TBC1D23: variants seen among roughly 807,000 people sequenced by gnomAD.
TBC1D23 encodes HCV non-structural protein 4A-transactivated protein 1.
A neutral mutation model predicts 91.4 loss-of-function variants in TBC1D23; 55 were observed. The observed-to-expected ratio is 0.60, with a 90% CI of 0.48 to 0.75. The LOEUF is 0.75. Ranked by LOEUF, TBC1D23 falls within the 30% of genes least tolerant of loss-of-function variation. TBC1D23 has a pLI of 0.00. For synonymous variants in TBC1D23, 289 were observed against 281.0 expected (o/e 1.03, Z -0.28); for missense variants, 725 against 836.1 (o/e 0.87, Z 1.64).
Position 100,283,761 on chromosome 3 carries a change from C to G in TBC1D23, c.426C>G (p.Arg142=), listed in dbSNP as rs145106865. Residue 142 remains arginine, a synonymous_variant, in exon 4 of 19, where the codon CGC becomes CGG. Transcript: ENST00000394144. ...CATTGGTGCATCTTCAACTGCCACG[C>G]AGCGATTTATACAACTGCTTTTATG... ...LKPLVHLQLP[R]SDLYNCFYAI... 914 of 1,613,318 alleles carry G rather than the reference C, an allele frequency of 5.7e-4. 1 individual carries two copies. The African/African-American group carries it at 9.8e-3, about 17-fold the overall frequency.
chr3:100,307,691 G>T (rs1705537791), intron 13 of TBC1D23, among the ~76,000 whole-genome samples: 1 of 152,128 alleles, frequency 6.6e-6, no homozygotes, highest in Non-Finnish European at 1.5e-5. Flanking sequence ...TGATGCCATT[G>T]TGTGAAATCA....
intron 4 of TBC1D23, among the ~76,000 whole-genome samples, chr3:100,289,254 A>G (rs915188127): frequency 1.3e-5 from 2 of 152,102 alleles, no homozygotes; most frequent in Non-Finnish European, 2.9e-5. Flanking sequence ...ACATGTAATT[A>G]TCTCCCTATA....
chr3:100,293,649 C>A (rs575953741), intron 5 of TBC1D23, among the ~76,000 whole-genome samples: 1 of 152,200 alleles, frequency 6.6e-6, no homozygotes, highest in Admixed American at 6.5e-5. Flanking sequence ...TTTAAAGCAA[C>A]CACAAAAAAC....
At chr3:100,287,975 T>G (rs2067758931) in intron 4 of TBC1D23, among the ~76,000 whole-genome samples, 1 of 151,976 alleles carries the variant, frequency 6.6e-6, no homozygotes, top group Non-Finnish European at 1.5e-5. Context: ...GTGCAGTGAC[T>G]CACACCTGTA....
Position 100,316,162 on chromosome 3 carries a change from TG to T in TBC1D23, c.1666del (p.Asp556MetfsTer24). The T allele has an allele frequency of 6.2e-7, 1 of 1,613,900 alleles. No individual in the cohort carries two copies. Among genetic ancestry groups the T allele is most frequent in the Non-Finnish European group, 8.5e-7 (1 of 1,179,820 alleles). On this transcript the variant is annotated frameshift_variant, in exon 16 of 19. Transcript: ENST00000394144. LOFTEE classifies it high-confidence loss of function. ...YRGVKPVFSI[G>X]DEEEYDTDEI... ...GTGGCGTAAAGCCTGTTTTCAGCAT[TG>T]GGGATGAAGAAGAATACGACACAGG...
At chr3:100,302,984 A>C (rs1317497555) in intron 11 of TBC1D23, among the ~76,000 whole-genome samples, 2 of 152,244 alleles carry the variant, frequency 1.3e-5, no homozygotes, top group Non-Finnish European at 2.9e-5. Context: ...AACTGAATAA[A>C]TACATATGCA....
At position 100,284,118 on chromosome 3, in the gene TBC1D23, T is replaced by A. The variant is rs528867285; in HGVS notation, c.476+307T>A. The A allele has an allele frequency of 3.5e-5, 9 of 255,754 alleles. No homozygotes were observed. In the East Asian group the frequency reaches 6.1e-4, roughly 17 times the overall value. The allele number at this position is 255,754 out of a possible 1,614,324, so 15.8% of individuals were successfully genotyped here. ...GTGATGAACAAGTCGAAAGACCTAA[T>A]ATGCAATGTGGGGACTCTAGTTAAT... On this transcript the variant is annotated intron_variant, in intron 4 of 18. Coordinates refer to ENST00000394144, the MANE Select transcript of TBC1D23 (RefSeq NM_001199198.3).
At chr3:100,279,883 T>G (rs1280148801) in intron 2 of TBC1D23, 123 bp downstream of exon 2, 2 of 572,712 alleles carry the variant, frequency 3.5e-6, no homozygotes, top group African/African-American at 3.8e-5. Flanking sequence ...GCATCTAGAT[T>G]TATCAAACAG....
chr3:100,306,616 C>A (rs374954803), intron 13 of TBC1D23, 73 bp downstream of exon 13: 1 of 814,864 alleles, frequency 1.2e-6, no homozygotes. Flanking sequence ...ACTAAACCCC[C>A]ACCATAACAG....
At chr3:100,310,296 T>C in intron 13 of TBC1D23, 107 bp from the exon 14 acceptor site, 1 of 986,290 alleles carries the variant, frequency 1.0e-6, no homozygotes, top group Non-Finnish European at 1.5e-6. Context: ...CTTCAACATA[T>C]GATTTTGGTG....
At chr3:100,261,929 G>C (rs2067514517) in intron 1 of TBC1D23, among the ~76,000 whole-genome samples, 1 of 152,200 alleles carries the variant, frequency 6.6e-6, no homozygotes, top group Non-Finnish European at 1.5e-5. Context: ...TTGACCACAT[G>C]TATTAGTTTT....
chr3:100,273,435 T>C (rs924321626), intron 1 of TBC1D23, among the ~76,000 whole-genome samples: 1 of 149,042 alleles, frequency 6.7e-6, no homozygotes, highest in African/African-American at 2.5e-5. Context: ...TCTCTCTTTC[T>C]TTTCCCCACA....
At chr3:100,291,404 G>A (rs1179864124) in intron 5 of TBC1D23, among the ~76,000 whole-genome samples, 13 of 152,064 alleles carry the variant, frequency 8.5e-5, no homozygotes, top group African/African-American at 2.2e-4. Context: ...CCAACATGGC[G>A]AAACTTGTCT....
intron 4 of TBC1D23, 105 bp from the exon 5 acceptor site, chr3:100,290,473 A>G: frequency 2.1e-6 from 2 of 966,510 alleles, no homozygotes; most frequent in Admixed American, 2.2e-5. Flanking sequence ...ACTGTCAGGT[A>G]GGCTTCCAGT....
intron 18 of TBC1D23, among the ~76,000 whole-genome samples, chr3:100,322,270 T>C (rs950674460): frequency 6.6e-6 from 1 of 152,088 alleles, no homozygotes; most frequent in South Asian, 2.1e-4. Flanking sequence ...AATTTTTTTA[T>C]TTTTAGTAGA....
At chr3:100,286,193 T>A (rs2067740494) in intron 4 of TBC1D23, among the ~76,000 whole-genome samples, 1 of 152,204 alleles carries the variant, frequency 6.6e-6, no homozygotes, top group Non-Finnish European at 1.5e-5. Context: ...GTCATTTTGT[T>A]GTACTAGGTC....
At chr3:100,313,740 A>T (rs1181373356) in intron 15 of TBC1D23, among the ~76,000 whole-genome samples, 1 of 152,172 alleles carries the variant, frequency 6.6e-6, no homozygotes, top group Non-Finnish European at 1.5e-5. Flanking sequence ...AATCTAATCT[A>T]TATAAAATTT....
chr3:100,320,702 T>C (rs1705839648), intron 17 of TBC1D23, 75 bp from the exon 18 acceptor site: 1 of 835,674 alleles, frequency 1.2e-6, no homozygotes, highest in South Asian at 2.9e-5. Flanking sequence ...ATAATTGAGA[T>C]GGTTGAAACA....
chr3:100,290,804 A>G (rs368775343), intron 5 of TBC1D23, 103 bp downstream of exon 5: 1 of 1,061,402 alleles, frequency 9.4e-7, no homozygotes, highest in East Asian at 2.5e-5. Flanking sequence ...AGTCCTAATT[A>G]TAGATCATTA....
Sources: gnomAD v4.1 joint callset for allele counts (sites outside exome capture counted in the v4.1 genomes callset) on GRCh38, gnomAD v4.1.1 for gene constraint, MANE v1.5 for transcripts, NCBI Gene and HGNC (gene_info 2026-07-23, HGNC 2026-07-21) for gene names.